The following SGK3 variants were observed in gnomAD, a reference collection of about 807,000 sequenced individuals.
SGK3 encodes serum/glucocorticoid regulated kinase family member 3.
SGK3 carries 47 observed loss-of-function variants against 68.5 expected under a neutral mutation model. That is an observed-to-expected ratio of 0.69 (90% CI 0.54 to 0.87). SGK3 has a LOEUF of 0.87. SGK3 is among the 40% of genes least tolerant of loss of function. SGK3 has a pLI of 0.00. For synonymous variants in SGK3, 181 were observed against 189.1 expected, an observed-to-expected ratio of 0.96 and a Z score of 0.35; for missense variants, 479 against 575.5, an observed-to-expected ratio of 0.83 and a Z score of 1.72.
Position 66,749,932 on chromosome 8 carries a change from G to GGTGTGT in SGK3, c.-122+37128_-122+37133dup, listed in dbSNP as rs139702561. Among the ~76,000 whole-genome samples, 293 of 144,922 alleles carry GGTGTGT rather than the reference G, an allele frequency of 2.0e-3. 1 individual carries two copies. Among genetic ancestry groups the GGTGTGT allele is most frequent in the East Asian group, 4.3e-3 (21 of 4,928 alleles). On this transcript the variant is annotated intron_variant, in intron 1 of 16. Coordinates refer to ENST00000521198, the MANE Select transcript of SGK3 (RefSeq NM_001033578.3). ...GCCTCTGCCTGGAAATAGTTTCTAG[G>GGTGTGT]GTGTGTGTGTGTGTGTGTGTGTGTG...
At chr8:66,804,245 A>T (rs1808064556) in intron 3 of SGK3, 130 bp from the exon 4 acceptor site, 4 of 739,292 alleles carry the variant, frequency 5.4e-6, no homozygotes, top group Admixed American at 6.1e-5. Flanking sequence ...TATACTTTGG[A>T]TGATCATAAA....
chr8:66,773,225 A>G (rs973588702), intron 1 of SGK3, among the ~76,000 whole-genome samples: 1 of 152,216 alleles, frequency 6.6e-6, no homozygotes, highest in Non-Finnish European at 1.5e-5. Context: ...AATGTAGGTT[A>G]GGATCAGATC....
intron 1 of SGK3, among the ~76,000 whole-genome samples, chr8:66,751,769 T>C (rs1805824815): frequency 6.6e-6 from 1 of 151,700 alleles, no homozygotes; most frequent in Non-Finnish European, 1.5e-5. Flanking sequence ...TTTATTTATT[T>C]ATTTATTTAT....
chr8:66,751,826 C>T (rs1047961503), intron 1 of SGK3, among the ~76,000 whole-genome samples: 2 of 151,788 alleles, frequency 1.3e-5, no homozygotes, highest in African/African-American at 2.4e-5. Flanking sequence ...AGTGCAGTGG[C>T]GCGATCTCGG....
chr8:66,821,223 C>A (rs1585767489), intron 5 of SGK3, among the ~76,000 whole-genome samples: 2 of 152,074 alleles, frequency 1.3e-5, no homozygotes, highest in Middle Eastern at 6.8e-3. Context: ...ATTTCCTCAT[C>A]CCCCTTGTTG....
At chr8:66,767,459 A>C (rs1386543020) in intron 1 of SGK3, 3 of 1,430,494 alleles carry the variant, frequency 2.1e-6, no homozygotes, top group Non-Finnish European at 3.0e-6. Context: ...AGAATGCTTA[A>C]AGGAGACTGC....
chr8:66,825,544 T>C (rs986520276), intron 6 of SGK3, among the ~76,000 whole-genome samples: 4 of 152,108 alleles, frequency 2.6e-5, no homozygotes, highest in African/African-American at 9.7e-5. Context: ...TTAACCAGGA[T>C]GGTCTCCATC....
At chr8:66,819,820 T>C (rs1808737077) in intron 5 of SGK3, among the ~76,000 whole-genome samples, 1 of 151,898 alleles carries the variant, frequency 6.6e-6, no homozygotes, top group South Asian at 2.1e-4. Flanking sequence ...TTTTTGTTTT[T>C]TGGTTTTTTT....
At chr8:66,799,287 T>C in intron 3 of SGK3, among the ~76,000 whole-genome samples, 1 of 152,172 alleles carries the variant, frequency 6.6e-6, no homozygotes, top group East Asian at 1.9e-4. Flanking sequence ...TCCAGCACTT[T>C]GAGAGGCTGA....
At chr8:66,781,971 T>C (rs1807004535) in intron 1 of SGK3, among the ~76,000 whole-genome samples, 1 of 152,234 alleles carries the variant, frequency 6.6e-6, no homozygotes, top group South Asian at 2.1e-4. Context: ...CTACTATGTA[T>C]CTTTCATTGG....
In SGK3 at chr8:66,859,543, T is replaced by TTCTC. The variant is rs1810676039; in HGVS notation, c.1455_1458dup (p.Tyr487LeufsTer21). On this transcript the variant is annotated frameshift_variant, in exon 17 of 17. Coordinates refer to ENST00000521198, the MANE Select transcript of SGK3 (RefSeq NM_001033578.3). LOFTEE classifies it high-confidence loss of function. The stretch of plus-strand genomic sequence containing the variant: ...GGAGGCAGATGATGCATTCGTTGGT[T>TTCTC]TCTCTTATGCACCTCCTTCAGAAGA... 1 of 1,613,116 alleles carries TTCTC rather than the reference T, an allele frequency of 6.2e-7. No homozygotes were observed. The highest frequency in any genetic ancestry group is 1.3e-5 in the African/African-American group (1 of 74,904).
At chr8:66,726,980 A>G (rs74794016) in intron 1 of SGK3, among the ~76,000 whole-genome samples, 1,654 of 152,240 alleles carry the variant, frequency 0.011, 32 homozygotes, top group African/African-American at 0.036. Context: ...AAACCTAACA[A>G]TGATAACCAG....
chr8:66,845,191 G>T (rs1809957555), intron 14 of SGK3, among the ~76,000 whole-genome samples: 1 of 152,174 alleles, frequency 6.6e-6, no homozygotes, highest in African/African-American at 2.4e-5. Context: ...CTTAGGTCAG[G>T]AGTTCAAGAC....
At chr8:66,779,561 A>AATATATATATAT (rs200618083) in intron 1 of SGK3, among the ~76,000 whole-genome samples, 17 of 89,388 alleles carry the variant, frequency 1.9e-4, no homozygotes, top group Non-Finnish European at 3.0e-4. Context: ...TATGTGTGTG[A>AATATATATATAT]ATATATATAT....
At chr8:66,832,773 C>T (rs1809354452) in intron 8 of SGK3, among the ~76,000 whole-genome samples, 1 of 151,758 alleles carries the variant, frequency 6.6e-6, no homozygotes. Flanking sequence ...TTGGAAACTT[C>T]ATGTTTAGAT....
intron 1 of SGK3, among the ~76,000 whole-genome samples, chr8:66,753,778 C>A (rs1345031872): frequency 6.6e-6 from 1 of 152,104 alleles, no homozygotes; most frequent in Non-Finnish European, 1.5e-5. Flanking sequence ...AAGATCGTGC[C>A]ATTGCACTCC....
intron 1 of SGK3, among the ~76,000 whole-genome samples, chr8:66,738,560 A>G (rs1224514942): frequency 6.6e-6 from 1 of 152,068 alleles, no homozygotes; most frequent in Non-Finnish European, 1.5e-5. Context: ...GACTATTCTA[A>G]TGAACCCCAC....
At chr8:66,735,880 G>A (rs1360929872) in intron 1 of SGK3, among the ~76,000 whole-genome samples, 4 of 152,058 alleles carry the variant, frequency 2.6e-5, no homozygotes, top group Admixed American at 1.3e-4. Flanking sequence ...TTGAACAGTG[G>A]CACTCAATAG....
chr8:66,763,996 C>T (rs1053140773), intron 1 of SGK3, among the ~76,000 whole-genome samples: 2 of 152,098 alleles, frequency 1.3e-5, no homozygotes, highest in South Asian at 2.1e-4. Flanking sequence ...CTCAGCCTCC[C>T]GAGTAGCTGG....
Sources: allele counts gnomAD v4.1 joint callset (sites outside exome capture counted in the v4.1 genomes callset), GRCh38; gene constraint gnomAD v4.1.1; transcripts MANE v1.5; gene names NCBI Gene and HGNC (gene_info 2026-07-23, HGNC 2026-07-21).